Variants in HDAC4 observed in about 807,000 individuals in gnomAD.
The protein encoded by HDAC4 is histone deacetylase 4.
HDAC4 carries 16 observed loss-of-function variants against 135.1 expected under a neutral mutation model. The observed-to-expected ratio is 0.12, with a 90% CI of 0.08 to 0.18. The LOEUF (loss-of-function observed/expected upper bound fraction) is 0.18. HDAC4 is among the 10% of genes least tolerant of loss of function. HDAC4 has a pLI of 1.00. For synonymous variants in HDAC4, 685 were observed against 653.4 expected (o/e 1.05, Z -0.74); for missense variants, 1,143 against 1,511.8 (o/e 0.76, Z 4.05).
rs1456956968 is a variant in HDAC4 at position 239,307,982 on chromosome 2, C to G, written c.22+44696G>C. 6.6e-6 allele frequency among the ~76,000 whole-genome samples: 1 copy of G among 152,190 alleles called. No homozygotes were observed. Among genetic ancestry groups the G allele is most frequent in the East Asian group, 1.9e-4 (1 of 5,176 alleles). ...GCCAGCAAAGTGTCCCCATCCCCCCCAAAGTGAGCGGCCACACAGCAATGA... is the reference window on the plus strand; with the variant it reads ...GCCAGCAAAGTGTCCCCATCCCCCCGAAAGTGAGCGGCCACACAGCAATGA... On this transcript the variant is annotated intron_variant, in intron 2 of 26. Coordinates refer to ENST00000543185, the MANE Select transcript of HDAC4 (RefSeq NM_001378414.1). This position sits in a 1 kb window ranked among gnomAD's most constrained non-coding sequence, Gnocchi z 4.8.
chr2:239,265,434 C>T (rs2049661210), intron 2 of HDAC4, among the ~76,000 whole-genome samples: 2 of 152,254 alleles, frequency 1.3e-5, no homozygotes, highest in Non-Finnish European at 2.9e-5. Context: ...AGAAACAGCA[C>T]TTCCAAAATC....
intron 1 of HDAC4, among the ~76,000 whole-genome samples, chr2:239,372,912 A>G (rs1016989864): frequency 3.3e-5 from 5 of 152,082 alleles, no homozygotes; most frequent in African/African-American, 9.7e-5. Context: ...CAGACTTCTC[A>G]GCATCTTCCG....
At chr2:239,086,648 G>C (rs1028630061) in intron 19 of HDAC4, among the ~76,000 whole-genome samples, 4 of 152,244 alleles carry the variant, frequency 2.6e-5, no homozygotes, top group Non-Finnish European at 4.4e-5. Context: ...AGGGGTGACA[G>C]GGAGGCCCTT....
chr2:239,226,151 A>G (rs291335), intron 3 of HDAC4, among the ~76,000 whole-genome samples: 83,747 of 152,034 alleles, frequency 0.55, 25,013 homozygotes, highest in South Asian at 0.77. Context: ...TAAAGCACAC[A>G]AAGCTGGTAA....
intron 2 of HDAC4, among the ~76,000 whole-genome samples, chr2:239,279,019 CAGAA>C (rs973162655): frequency 2.6e-5 from 4 of 152,214 alleles, no homozygotes; most frequent in African/African-American, 4.8e-5. Flanking sequence ...ACTGAAAAAC[CAGAA>C]AGAAAGAAAA....
At chr2:239,184,772 T>C (rs1316192644) in intron 4 of HDAC4, among the ~76,000 whole-genome samples, 3 of 85,496 alleles carry the variant, frequency 3.5e-5, no homozygotes, top group Non-Finnish European at 2.4e-5. Context: ...TCCCTCAGTG[T>C]CTGCCCTGGA....
intron 3 of HDAC4, among the ~76,000 whole-genome samples, chr2:239,192,429 G>A (rs1430162638): frequency 6.6e-6 from 1 of 152,228 alleles, no homozygotes; most frequent in Non-Finnish European, 1.5e-5. Flanking sequence ...TGAAACATCA[G>A]CGTTCACCTA....
At chr2:239,059,588 T>C (rs904302490) in intron 24 of HDAC4, among the ~76,000 whole-genome samples, 1 of 152,224 alleles carries the variant, frequency 6.6e-6, no homozygotes, top group African/African-American at 2.4e-5. Context: ...AAAATGTAAC[T>C]TCTCAAAATT....
At chr2:239,210,385 A>G (rs1276334237) in intron 3 of HDAC4, among the ~76,000 whole-genome samples, 3 of 152,240 alleles carry the variant, frequency 2.0e-5, no homozygotes, top group Non-Finnish European at 4.4e-5. Flanking sequence ...GATTATTAAA[A>G]GCTCGGAAAA....
chr2:239,189,388 A>C (rs372156449), intron 4 of HDAC4, among the ~76,000 whole-genome samples: 2 of 152,370 alleles, frequency 1.3e-5, no homozygotes, highest in East Asian at 3.9e-4. Context: ...AAATTAAAAG[A>C]AAATATTATC....
intron 3 of HDAC4, among the ~76,000 whole-genome samples, chr2:239,192,137 T>C (rs2045012241): frequency 1.3e-5 from 2 of 152,110 alleles, no homozygotes; most frequent in African/African-American, 4.8e-5. Context: ...GCGTGTTCAA[T>C]GTGCGGAAGC....
At chr2:239,243,586 T>C (rs1001213363) in intron 2 of HDAC4, among the ~76,000 whole-genome samples, 1 of 152,018 alleles carries the variant, frequency 6.6e-6, no homozygotes, top group East Asian at 1.9e-4. Flanking sequence ...AGAGCTGCTT[T>C]TCAGACACGG....
intron 2 of HDAC4, among the ~76,000 whole-genome samples, chr2:239,242,175 AAG>A (rs910551226): frequency 8.3e-5 from 12 of 144,238 alleles, no homozygotes; most frequent in Admixed American, 3.5e-4. Flanking sequence ...AAGAGAAAGA[AAG>A]AGAGAGAGAG....
chr2:239,346,913 CCT>C (rs971144078), intron 2 of HDAC4, among the ~76,000 whole-genome samples: 9 of 106,196 alleles, frequency 8.5e-5, no homozygotes, highest in Admixed American at 4.7e-4. Flanking sequence ...ACACACACAC[CCT>C]GTCTAAAACA....
At chr2:239,084,597 A>C (rs2035701523) in intron 19 of HDAC4, among the ~76,000 whole-genome samples, 1 of 150,652 alleles carries the variant, frequency 6.6e-6, no homozygotes, top group East Asian at 2.0e-4. Context: ...ACAGAGACAC[A>C]CACACACCCC....
intron 2 of HDAC4, among the ~76,000 whole-genome samples, chr2:239,257,266 T>C (rs1481401574): frequency 6.8e-6 from 1 of 146,984 alleles, no homozygotes; most frequent in African/African-American, 2.5e-5. Flanking sequence ...AAAGGTGAAA[T>C]AGGCCATGTG....
intron 1 of HDAC4, among the ~76,000 whole-genome samples, chr2:239,370,697 G>A (rs968225796): frequency 6.6e-6 from 1 of 152,240 alleles, no homozygotes; most frequent in Non-Finnish European, 1.5e-5. Flanking sequence ...GGAAAGGCTG[G>A]TGCACCTGCA....
chr2:239,228,248 G>T (rs1407769632), intron 3 of HDAC4, among the ~76,000 whole-genome samples: 2 of 152,190 alleles, frequency 1.3e-5, no homozygotes, highest in Non-Finnish European at 2.9e-5. Context: ...GGAGCAGCCT[G>T]CTGGAGGCCA....
upstream of HDAC4, chr2:239,401,591 T>C (rs1272197247): frequency 8.2e-6 from 2 of 244,238 alleles, no homozygotes; most frequent in Non-Finnish European, 1.6e-5. Flanking sequence ...CACAATGGGG[T>C]GCAGGCTAAC....
Sources: allele counts gnomAD v4.1 joint callset (sites outside exome capture counted in the v4.1 genomes callset), GRCh38; gene constraint gnomAD v4.1.1; non-coding constraint Gnocchi (gnomAD v3.1); transcripts MANE v1.5; gene names NCBI Gene and HGNC (gene_info 2026-07-23, HGNC 2026-07-21).